The following ATXN1 variants were observed in gnomAD, a reference collection of about 807,000 sequenced individuals.
ATXN1 encodes the protein ataxin 1, also known as ataxin-1.
In ATXN1, 8 loss-of-function variants were observed where a neutral mutation model predicts 56.4. The ratio of observed to expected loss-of-function variants is 0.14; its 90% CI spans 0.08 to 0.26. The LOEUF is 0.26. Ranked by LOEUF, ATXN1 falls within the 10% of genes least tolerant of loss-of-function variation. The pLI, the probability that ATXN1 is intolerant of heterozygous loss-of-function variation, is 1.00. For missense variants in ATXN1, 987 were observed against 1,106.5 expected (o/e 0.89, Z 1.53); for synonymous variants, 514 against 494.6 (o/e 1.04, Z -0.52).
intron 6 of ATXN1, among the ~76,000 whole-genome samples, chr6:16,347,170 G>A (rs542578646): frequency 2.6e-5 from 4 of 152,290 alleles, no homozygotes; most frequent in East Asian, 1.9e-4. Context: ...GACGAGCGCC[G>A]CCCCCTGCTC....
intron 6 of ATXN1, among the ~76,000 whole-genome samples, chr6:16,418,199 A>C (rs1581748719): frequency 6.6e-6 from 1 of 152,186 alleles, no homozygotes; most frequent in African/African-American, 2.4e-5. Flanking sequence ...TTCCTACTGA[A>C]TGTTTGTGTC....
intron 6 of ATXN1, among the ~76,000 whole-genome samples, chr6:16,397,830 G>T (rs1261640070): frequency 6.6e-6 from 1 of 151,926 alleles, no homozygotes; most frequent in East Asian, 1.9e-4. Context: ...CTATCTTCAA[G>T]AACAAAAACG....
intron 2 of ATXN1, among the ~76,000 whole-genome samples, chr6:16,710,313 G>A (rs938849082): frequency 3.3e-5 from 5 of 152,188 alleles, no homozygotes; most frequent in African/African-American, 1.2e-4. Context: ...AAAAGGCAGA[G>A]AAAGATATAC....
At chr6:16,368,663 C>T (rs1761979535) in intron 6 of ATXN1, among the ~76,000 whole-genome samples, 3 of 152,082 alleles carry the variant, frequency 2.0e-5, no homozygotes, top group Admixed American at 1.3e-4. Context: ...CACATCTAAT[C>T]CCAAGTCACA....
chr6:16,587,154 T>A (rs1317612753), intron 3 of ATXN1, among the ~76,000 whole-genome samples: 2 of 152,240 alleles, frequency 1.3e-5, no homozygotes, highest in East Asian at 3.8e-4. Flanking sequence ...GAAACCGACA[T>A]GTTCATATTT....
chr6:16,518,795 C>T (rs73368709), intron 5 of ATXN1, among the ~76,000 whole-genome samples: 5,890 of 152,134 alleles, frequency 0.039, 383 homozygotes, highest in African/African-American at 0.13. Flanking sequence ...ATCCCAAAGA[C>T]AAATTCAATA....
At chr6:16,535,559 T>C (rs1761580626) in intron 4 of ATXN1, among the ~76,000 whole-genome samples, 1 of 152,292 alleles carries the variant, frequency 6.6e-6, no homozygotes, top group South Asian at 2.1e-4. Context: ...ACCCATGAGT[T>C]CATATTGATA....
intron 2 of ATXN1, among the ~76,000 whole-genome samples, chr6:16,695,072 C>A (rs1188241607): frequency 2.0e-5 from 3 of 152,200 alleles, no homozygotes; most frequent in African/African-American, 7.2e-5. Flanking sequence ...CTACCACCCA[C>A]TGAAGTGGTG....
rs1218913505 is a variant in ATXN1 at position 16,655,809 on chromosome 6, G to A, written c.-489+1967C>T. 4.6e-5 allele frequency among the ~76,000 whole-genome samples: 7 copies of A among 151,836 alleles called. No homozygotes were observed. The South Asian group carries it at 8.3e-4, about 18-fold the overall frequency. ...CAAGGGAATAAATTATTTACTGCGGGCCGGGTGCAGTGGTTCACATCTGTA... is the reference window on the plus strand; with the variant it reads ...CAAGGGAATAAATTATTTACTGCGGACCGGGTGCAGTGGTTCACATCTGTA... On this transcript the variant is annotated intron_variant, in intron 3 of 7. Transcript: ENST00000436367.
chr6:16,306,380 A>C lies in ATXN1; in HGVS notation c.2397T>G (p.Ile799Met). ...PPLTLPKPSL[I>M]PQEVKICIEG... is the part of the protein sequence containing the mutation. Reference sequence around the variant, plus strand: ...CAATGCAAATCTTAACCTCCTGAGGAATTAGAGAAGGCTTAGGAAGAGTCA... The same window carrying C: ...CAATGCAAATCTTAACCTCCTGAGGCATTAGAGAAGGCTTAGGAAGAGTCA... The change falls in exon 8 of 8, where the codon ATT (isoleucine) becomes ATG (methionine). Residue 799 changes from isoleucine to methionine, a missense_variant. By Grantham distance (10) the Ile-to-Met change is conservative. This residue lies in a region of ATXN1 where 196 missense variants were observed against 196.7 expected (regional missense o/e 1.00). Coordinates refer to ENST00000436367, the MANE Select transcript of ATXN1 (RefSeq NM_001128164.2). This position sits in a 1 kb window ranked among gnomAD's most constrained non-coding sequence, Gnocchi z 5.2. 1 of 1,613,862 alleles carries C rather than the reference A, an allele frequency of 6.2e-7. No homozygotes were observed.
chr6:16,435,365 G>T (rs886106475), intron 6 of ATXN1, among the ~76,000 whole-genome samples: 3 of 152,036 alleles, frequency 2.0e-5, no homozygotes, highest in Admixed American at 2.0e-4. Context: ...ACACTTAAGT[G>T]GAGAAGCAAA....
chr6:16,427,548 A>C, intron 6 of ATXN1, among the ~76,000 whole-genome samples: 1 of 152,190 alleles, frequency 6.6e-6, no homozygotes, highest in East Asian at 1.9e-4. Flanking sequence ...CCTAAGACAG[A>C]GTGGTCCTCG....
intron 6 of ATXN1, among the ~76,000 whole-genome samples, chr6:16,437,708 G>T (rs935977533): frequency 9.2e-5 from 14 of 152,268 alleles, no homozygotes; most frequent in Middle Eastern, 3.4e-3. Context: ...CAAATTATTG[G>T]TATTCCCTTT....
chr6:16,639,415 G>A (rs1008815317), intron 3 of ATXN1, among the ~76,000 whole-genome samples: 52 of 152,176 alleles, frequency 3.4e-4, no homozygotes, highest in African/African-American at 1.2e-3. Context: ...CTAGGTTCAA[G>A]CGATTCTCCT....
intron 2 of ATXN1, among the ~76,000 whole-genome samples, chr6:16,717,364 C>T (rs1256184563): frequency 6.6e-6 from 1 of 152,230 alleles, no homozygotes; most frequent in Non-Finnish European, 1.5e-5. Flanking sequence ...CTGAGATGAA[C>T]AGAGAGGCAG....
chr6:16,645,539 A>G (rs1763785680), intron 3 of ATXN1, among the ~76,000 whole-genome samples: 1 of 152,204 alleles, frequency 6.6e-6, no homozygotes, highest in African/African-American at 2.4e-5. Flanking sequence ...GGTTCAATAG[A>G]GGGAGGGGTG....
At position 16,586,880 on chromosome 6, in the gene ATXN1, ATGG is replaced by A. The variant is rs1416996262; in HGVS notation, c.-488-976_-488-974del. 2.0e-5 allele frequency among the ~76,000 whole-genome samples: 3 copies of A among 152,068 alleles called. No homozygotes were observed. The East Asian group carries it at 5.8e-4, about 29-fold the overall frequency. ...CTAAAAATACAAAAATTAGCCACGC[ATGG>A]TGGTGCGTGCCCGTAATCCCAGCTA... On this transcript the variant is annotated intron_variant, in intron 3 of 7. Transcript: ENST00000436367.
In ATXN1 at chr6:16,300,454, T is replaced by TG. The variant is rs1760057342; in HGVS notation, c.*5874dup. On this transcript the variant is annotated 3_prime_UTR_variant, in exon 8 of 8. Transcript: ENST00000436367. ...AGATTCTGAATTTAAGAATTGTAAGTGGGGGTGCTTAATATCCCCACAGCT... is the reference window on the plus strand; with the variant it reads ...AGATTCTGAATTTAAGAATTGTAAGTGGGGGGTGCTTAATATCCCCACAGCT... The TG allele has an allele frequency of 6.6e-6, 1 of 152,516 alleles. No individual in the cohort carries two copies. The highest frequency in any genetic ancestry group is 2.1e-4 in the South Asian group (1 of 4,824). The allele number at this position is 152,516 out of a possible 1,614,324, so 9.4% of individuals were successfully genotyped here.
intron 7 of ATXN1, among the ~76,000 whole-genome samples, chr6:16,310,827 C>T (rs1760371805): frequency 6.6e-6 from 1 of 152,174 alleles, no homozygotes; most frequent in African/African-American, 2.4e-5. Context: ...CAAAAACACA[C>T]ATGCATAATT....
Sources: allele counts gnomAD v4.1 joint callset (sites outside exome capture counted in the v4.1 genomes callset), GRCh38; gene constraint gnomAD v4.1.1; regional missense constraint gnomAD v4.1.1; non-coding constraint Gnocchi (gnomAD v3.1); transcripts MANE v1.5; gene names NCBI Gene and HGNC (gene_info 2026-07-23, HGNC 2026-07-21).